Variants in GOLGA8B observed in about 807,000 individuals in gnomAD.
GOLGA8B encodes golgin A8 family member B.
In GOLGA8B, 1 loss-of-function variant was observed where a neutral mutation model predicts 15.6. That is an observed-to-expected ratio of 0.06 (90% CI 0.02 to 0.30). The LOEUF (loss-of-function observed/expected upper bound fraction) is 0.30, where lower values mean the gene tolerates loss of function less well. Ranked by LOEUF, GOLGA8B falls within the 10% of genes least tolerant of loss-of-function variation. The pLI, the probability that GOLGA8B is intolerant of heterozygous loss-of-function variation, is 1.00. For missense variants in GOLGA8B, 17 were observed against 201.3 expected (o/e 0.08, Z 5.54); for synonymous variants, 9 against 80.3 (o/e 0.11, Z 4.75).
At chr15:34,542,639 TAACA>T (rs1888226639) in intron 7 of GOLGA8B, among the ~76,000 whole-genome samples, 2 of 152,272 alleles carry the variant, frequency 1.3e-5, no homozygotes, top group Non-Finnish European at 2.9e-5. Flanking sequence ...TCCTCCTAAT[TAACA>T]GTCAGTTGGC....
intron 1 of GOLGA8B, among the ~76,000 whole-genome samples, chr15:34,578,616 C>T (rs564673120): frequency 1.3e-5 from 2 of 152,330 alleles, no homozygotes; most frequent in South Asian, 4.1e-4. Flanking sequence ...GAAGTTAAGA[C>T]AAGACCTGCC....
At chr15:34,569,337 C>T (rs543274726) in intron 1 of GOLGA8B, among the ~76,000 whole-genome samples, 1 of 151,442 alleles carries the variant, frequency 6.6e-6, no homozygotes, top group African/African-American at 2.4e-5. Context: ...CCACGCCTCC[C>T]GGTAGGCTCC....
intron 1 of GOLGA8B, among the ~76,000 whole-genome samples, chr15:34,579,340 G>C (rs945267149): frequency 6.6e-6 from 1 of 152,084 alleles, no homozygotes; most frequent in Non-Finnish European, 1.5e-5. Flanking sequence ...CCCTGGAACA[G>C]AGTCTGACAT....
At chr15:34,577,560 A>ACACACACT (rs1491292911) in intron 1 of GOLGA8B, among the ~76,000 whole-genome samples, 3 of 142,036 alleles carry the variant, frequency 2.1e-5, no homozygotes, top group Admixed American at 7.0e-5. Flanking sequence ...ACACACACAC[A>ACACACACT]GATGCGTCAC....
At position 34,525,885 on chromosome 15, in the gene GOLGA8B, T is replaced by G. The variant is rs1186404622; in HGVS notation, c.*1747A>C. The stretch of plus-strand genomic sequence containing the variant: ...TGCCAAGTGCTAAAAATGGAGATGG[T>G]CTAGTAACTAGAAAACTCCCCACCC... On this transcript the variant is annotated 3_prime_UTR_variant, in exon 24 of 24. Transcript: ENST00000683415. 2 of 149,256 alleles carry G rather than the reference T, an allele frequency of 1.3e-5. No homozygotes were observed. Among genetic ancestry groups the G allele is most frequent in the East Asian group, 3.9e-4 (2 of 5,104 alleles). 9.2% of individuals were successfully genotyped at this position (149,256 alleles called of 1,614,324 possible). A position where few individuals can be genotyped will look rare whatever the true frequency, so the allele number is the denominator to read the frequency against.
chr15:34,569,423 C>G (rs1888845808), intron 1 of GOLGA8B, among the ~76,000 whole-genome samples: 1 of 151,996 alleles, frequency 6.6e-6, no homozygotes, highest in Non-Finnish European at 1.5e-5. Flanking sequence ...AGCTGACCAC[C>G]CCCATGCCTC....
chr15:34,581,462 T>C (rs1182645499), intron 1 of GOLGA8B: 1 of 152,258 alleles, frequency 6.6e-6, no homozygotes, highest in Admixed American at 6.5e-5. Context: ...TCTTTTACAA[T>C]TACCTTTTAC....
At chr15:34,565,135 C>T (rs1337924539) in intron 1 of GOLGA8B, among the ~76,000 whole-genome samples, 1 of 106,934 alleles carries the variant, frequency 9.4e-6, no homozygotes. Flanking sequence ...ATCCAGTTCT[C>T]TTTTTTTTTT....
In GOLGA8B at chr15:34,525,868, G is replaced by C. The variant is rs569834814; in HGVS notation, c.*1764C>G. Reference sequence around the variant, plus strand: ...TAAAAGGATCATGAGGCTGCCAAGTGCTAAAAATGGAGATGGTCTAGTAAC... The same window carrying C: ...TAAAAGGATCATGAGGCTGCCAAGTCCTAAAAATGGAGATGGTCTAGTAAC... On this transcript the variant is annotated 3_prime_UTR_variant, in exon 24 of 24. Transcript: ENST00000683415. The C allele has an allele frequency of 2.0e-5, 3 of 149,356 alleles. No homozygotes were observed. In the East Asian group the frequency reaches 5.9e-4, roughly 29 times the overall value. The allele number at this position is 149,356 out of a possible 1,614,324, so 9.3% of individuals were successfully genotyped here.
At chr15:34,577,507 T>C (rs190962198) in intron 1 of GOLGA8B, among the ~76,000 whole-genome samples, 130 of 125,248 alleles carry the variant, frequency 1.0e-3, no homozygotes, top group Admixed American at 1.7e-3. Context: ...TTATATATCA[T>C]ACACACACAC....
Position 34,557,077 on chromosome 15 carries a change from C to G in GOLGA8B, c.-1122-3121G>C, listed in dbSNP as rs1463845111. Among the ~76,000 whole-genome samples the G allele has an allele frequency of 2.3e-5, 3 of 132,650 alleles. No homozygotes were observed. The East Asian group carries it at 6.1e-4, about 27-fold the overall frequency. 87.0% of individuals were successfully genotyped at this position (132,650 alleles called of 152,430 possible). A position where few individuals can be genotyped will look rare whatever the true frequency, so the allele number is the denominator to read the frequency against. ...AACTCGTGTGTCGCAGAAGACACCC[C>G]TCCTCCCACCCTAGAAGACAGGTTC... On this transcript the variant is annotated intron_variant, in intron 1 of 23. Transcript: ENST00000683415.
chr15:34,575,905 G>A (rs114083355), intron 1 of GOLGA8B, among the ~76,000 whole-genome samples: 4 of 152,156 alleles, frequency 2.6e-5, no homozygotes, highest in East Asian at 1.9e-4. Flanking sequence ...GTAGCTGCTT[G>A]GAAAATACCT....
intron 1 of GOLGA8B, among the ~76,000 whole-genome samples, chr15:34,575,337 G>A (rs1889044383): frequency 6.8e-6 from 1 of 146,930 alleles, no homozygotes; most frequent in Admixed American, 6.9e-5. Flanking sequence ...CCCTCCTCTC[G>A]CCTCTGGATG....
At chr15:34,579,440 G>A (rs545053655) in intron 1 of GOLGA8B, among the ~76,000 whole-genome samples, 4 of 152,142 alleles carry the variant, frequency 2.6e-5, no homozygotes, top group Admixed American at 6.5e-5. Context: ...ATCCACATCC[G>A]AGGTGACTGC....
At chr15:34,573,281 G>A (rs1246349658) in intron 1 of GOLGA8B, among the ~76,000 whole-genome samples, 3 of 152,194 alleles carry the variant, frequency 2.0e-5, no homozygotes, top group African/African-American at 4.8e-5. Flanking sequence ...GCTCACGCCT[G>A]TAATCGCAGC....
Position 34,578,811 on chromosome 15 carries a change from G to A in GOLGA8B, c.-1123+4705C>T, listed in dbSNP as rs537636497. 3.3e-5 allele frequency among the ~76,000 whole-genome samples: 5 copies of A among 152,198 alleles called. No homozygotes were observed. In the South Asian group the frequency reaches 1.0e-3, roughly 32 times the overall value. Reference sequence around the variant, plus strand: ...AATATTTCCACAGTCACTCAACGCAGGTATCTCAACCACATATTTTTTTCT... The same window carrying A: ...AATATTTCCACAGTCACTCAACGCAAGTATCTCAACCACATATTTTTTTCT... On this transcript the variant is annotated intron_variant, in intron 1 of 23. Coordinates refer to ENST00000683415, the MANE Select transcript of GOLGA8B (RefSeq NM_001023567.5).
At chr15:34,571,914 A>G (rs574891151) in intron 1 of GOLGA8B, among the ~76,000 whole-genome samples, 1 of 152,298 alleles carries the variant, frequency 6.6e-6, no homozygotes, top group East Asian at 1.9e-4. Context: ...TCCGCAATAT[A>G]TATAGAAAAT....
rs1354393232 is a variant in GOLGA8B, at chr15:34,556,920, G to A, written c.-1122-2964C>T. ...CTGAAGCGAGGAGGTGGGCAGTACTGGGTGCCTTACAGTTCTAATGGTGGC... is the reference window on the plus strand; with the variant it reads ...CTGAAGCGAGGAGGTGGGCAGTACTAGGTGCCTTACAGTTCTAATGGTGGC... On this transcript the variant is annotated intron_variant, in intron 1 of 23. Coordinates refer to ENST00000683415, the MANE Select transcript of GOLGA8B (RefSeq NM_001023567.5). 3.9e-5 allele frequency: 34 copies of A among 861,722 alleles called. No homozygotes were observed. The East Asian group carries it at 5.8e-4, about 15-fold the overall frequency. The allele number at this position is 861,722 out of a possible 1,614,324, so 53.4% of individuals were successfully genotyped here.
intron 1 of GOLGA8B, among the ~76,000 whole-genome samples, chr15:34,578,446 A>G (rs1566936913): frequency 6.6e-6 from 1 of 152,142 alleles, no homozygotes; most frequent in East Asian, 1.9e-4. Flanking sequence ...ACCCCGTTAA[A>G]AACAAATCTG....
Sources: gnomAD v4.1 joint callset for allele counts (sites outside exome capture counted in the v4.1 genomes callset) on GRCh38, gnomAD v4.1.1 for gene constraint, MANE v1.5 for transcripts, NCBI Gene and HGNC (gene_info 2026-07-23, HGNC 2026-07-21) for gene names.